MET: variants seen among roughly 807,000 people sequenced by gnomAD.
MET encodes the protein MET proto-oncogene, receptor tyrosine kinase.
Under a neutral mutation model 133.1 loss-of-function variants are expected in MET, and 48 were observed. The observed-to-expected ratio is 0.36, with a 90% CI of 0.29 to 0.46. The LOEUF (loss-of-function observed/expected upper bound fraction) is 0.46. Ranked by LOEUF, MET falls within the 20% of genes least tolerant of loss-of-function variation. MET has a pLI of 1.00. For synonymous variants in MET, 628 were observed against 616.5 expected, an observed-to-expected ratio of 1.02 and a Z score of -0.28; for missense variants, 1,442 against 1,695.9, an observed-to-expected ratio of 0.85 and a Z score of 2.63.
chr7:116,678,436 T>C (rs1157252951), intron 1 of MET, among the ~76,000 whole-genome samples: 3 of 152,168 alleles, frequency 2.0e-5, no homozygotes, highest in Non-Finnish European at 4.4e-5. Flanking sequence ...ATGTATGTTT[T>C]TTTTTAAAAA....
chr7:116,741,340 G>A (rs1793446849), intron 5 of MET, among the ~76,000 whole-genome samples: 3 of 152,062 alleles, frequency 2.0e-5, no homozygotes, highest in Admixed American at 2.0e-4. Flanking sequence ...AAAGAGTGGT[G>A]GTGAATAAGC....
chr7:116,737,973 C>T (rs187658561), intron 3 of MET, among the ~76,000 whole-genome samples: 12 of 152,126 alleles, frequency 7.9e-5, no homozygotes, highest in African/African-American at 2.7e-4. Flanking sequence ...GTTATGTAGC[C>T]GGTCTAAGTA....
rs964356368 is a variant in MET, at chr7:116,699,146, G to A, written c.62G>A (p.Arg21Lys). ...ILVLLFTLVQ[R>K]SNGECKEALA... ...GTGCTCCTGTTTACCTTGGTGCAGA[G>A]GAGCAATGGGGAGTGTAAAGAGGCA... The change falls in exon 2 of 21, where the codon AGG (arginine) becomes AAG (lysine). Residue 21 changes from arginine to lysine, a missense_variant. By Grantham distance (26) the Arg-to-Lys change is conservative (BLOSUM62 2). Coordinates refer to ENST00000397752, the MANE Select transcript of MET (RefSeq NM_000245.4). 3 of 1,613,806 alleles carry A rather than the reference G, an allele frequency of 1.9e-6. No individual in the cohort carries two copies. The African/African-American group carries it at 4.0e-5, about 22-fold the overall frequency.
At chr7:116,675,792 T>C (rs1487331990) in intron 1 of MET, among the ~76,000 whole-genome samples, 1 of 152,076 alleles carries the variant, frequency 6.6e-6, no homozygotes, top group African/African-American at 2.4e-5. Context: ...CTTTTTTTCT[T>C]TTCTTTGTAG....
At chr7:116,706,861 C>T (rs1317539640) in intron 2 of MET, among the ~76,000 whole-genome samples, 1 of 151,024 alleles carries the variant, frequency 6.6e-6, no homozygotes, top group Non-Finnish European at 1.5e-5. Context: ...TCAGCTACTC[C>T]TGAAGTCATT....
intron 3 of MET, 95 bp downstream of exon 3, chr7:116,731,954 A>G (rs571874671): frequency 4.1e-6 from 5 of 1,224,572 alleles, no homozygotes; most frequent in East Asian, 4.8e-5. Flanking sequence ...CAAATACTGT[A>G]AAGTCCAAAT....
chr7:116,695,206 T>A (rs925516841), intron 1 of MET, among the ~76,000 whole-genome samples: 19 of 152,196 alleles, frequency 1.2e-4, no homozygotes, highest in Non-Finnish European at 1.6e-4. Context: ...ACTTTTCACA[T>A]AATATTTATT....
intron 1 of MET, among the ~76,000 whole-genome samples, chr7:116,685,388 G>A (rs1796513679): frequency 6.6e-6 from 1 of 152,152 alleles, no homozygotes; most frequent in South Asian, 2.1e-4. Context: ...CCTAAAAAAT[G>A]TATGTCAGGC....
chr7:116,723,153 C>G (rs2116723190), intron 2 of MET, among the ~76,000 whole-genome samples: 1 of 138,940 alleles, frequency 7.2e-6, no homozygotes. Context: ...TCACATAGTC[C>G]CATATTTCTT....
At chr7:116,741,320 C>T (rs566534022) in intron 5 of MET, among the ~76,000 whole-genome samples, 9 of 152,128 alleles carry the variant, frequency 5.9e-5, no homozygotes, top group South Asian at 2.1e-4. Context: ...CCTTTAGTGC[C>T]GTGTGAATAA....
chr7:116,783,952 A>C (rs1795228631), intron 19 of MET, among the ~76,000 whole-genome samples: 1 of 152,246 alleles, frequency 6.6e-6, no homozygotes, highest in Non-Finnish European at 1.5e-5. Flanking sequence ...CTTCTTGCGC[A>C]GAACAAGCTC....
intron 2 of MET, among the ~76,000 whole-genome samples, chr7:116,718,121 G>A (rs371519420): frequency 2.0e-5 from 3 of 152,148 alleles, no homozygotes; most frequent in East Asian, 3.9e-4. Flanking sequence ...GGGCACGGTG[G>A]CTCACACCTG....
chr7:116,726,071 T>C (rs1490380382), intron 2 of MET, among the ~76,000 whole-genome samples: 1 of 129,064 alleles, frequency 7.7e-6, no homozygotes, highest in East Asian at 2.3e-4. Context: ...GATAGAATCT[T>C]ATGGGACCAC....
chr7:116,777,989 T>A (rs1037653419), intron 16 of MET, among the ~76,000 whole-genome samples: 2 of 152,228 alleles, frequency 1.3e-5, no homozygotes, highest in African/African-American at 4.8e-5. Context: ...TCCACATACA[T>A]GAACTTCCTA....
Position 116,676,555 on chromosome 7 carries a change from A to G in MET, c.-15+3978A>G, listed in dbSNP as rs574005170. Among the ~76,000 whole-genome samples the G allele has an allele frequency of 1.8e-4, 28 of 152,336 alleles. 1 individual carries two copies. The highest frequency in any genetic ancestry group is 2.9e-4 in the Non-Finnish European group (20 of 68,026). On this transcript the variant is annotated intron_variant, in intron 1 of 20. Coordinates refer to ENST00000397752, the MANE Select transcript of MET (RefSeq NM_000245.4). ...GAAATACATAACTGAAATGTGTTGTATGTCAGGTGATGATAATAGCTTCAA... is the reference window on the plus strand; with the variant it reads ...GAAATACATAACTGAAATGTGTTGTGTGTCAGGTGATGATAATAGCTTCAA...
chr7:116,754,718 A>G (rs1794058527), intron 5 of MET, among the ~76,000 whole-genome samples: 1 of 151,072 alleles, frequency 6.6e-6, no homozygotes, highest in Admixed American at 6.6e-5. Flanking sequence ...TCAGGAGGCT[A>G]ATGTGGGAGG....
chr7:116,795,154 T>C (rs1562941124), intron 19 of MET, among the ~76,000 whole-genome samples: 1 of 152,210 alleles, frequency 6.6e-6, no homozygotes, highest in Non-Finnish European at 1.5e-5. Flanking sequence ...ATTTTTAATA[T>C]GTATTTTTAC....
chr7:116,683,487 A>G (rs1289375343), intron 1 of MET, among the ~76,000 whole-genome samples: 2 of 152,228 alleles, frequency 1.3e-5, no homozygotes, highest in Non-Finnish European at 2.9e-5. Context: ...AATAAAACAC[A>G]CACATCAGGC....
At chr7:116,769,942 G>A in intron 12 of MET, 151 bp downstream of exon 12, 1 of 1,188,570 alleles carries the variant, frequency 8.4e-7, no homozygotes, top group East Asian at 2.6e-5. Context: ...TTTAGAAATA[G>A]TGAGCTTTTT....
Sources: gnomAD v4.1 joint callset for allele counts (sites outside exome capture counted in the v4.1 genomes callset) on GRCh38, gnomAD v4.1.1 for gene constraint, MANE v1.5 for transcripts, NCBI Gene and HGNC (gene_info 2026-07-23, HGNC 2026-07-21) for gene names.